Variants in NPAS3 observed in about 807,000 individuals in gnomAD.
The protein encoded by NPAS3 is neuronal PAS domain protein 3, also known as neuronal PAS domain-containing protein 3.
A neutral mutation model predicts 73.1 loss-of-function variants in NPAS3; 14 were observed. That is an observed-to-expected ratio of 0.19 (90% confidence interval 0.13 to 0.30). The LOEUF (loss-of-function observed/expected upper bound fraction) is 0.30. Ranked by LOEUF, NPAS3 falls within the 10% of genes least tolerant of loss-of-function variation. The pLI is 1.00. For synonymous variants in NPAS3, 620 were observed against 541.5 expected (o/e 1.14, Z -2.01); for missense variants, 1,096 against 1,250.0 (o/e 0.88, Z 1.86).
intron 4 of NPAS3, among the ~76,000 whole-genome samples, chr14:33,483,832 T>C (rs1391407763): frequency 1.3e-5 from 2 of 152,186 alleles, no homozygotes; most frequent in African/African-American, 2.4e-5. Context: ...ACGGCTGACC[T>C]TTTTTCTGGA....
At chr14:33,245,614 A>G (rs907812266) in intron 3 of NPAS3, among the ~76,000 whole-genome samples, 12 of 152,230 alleles carry the variant, frequency 7.9e-5, no homozygotes, top group African/African-American at 2.9e-4. Context: ...TAGGAATATG[A>G]AATGGATATG....
intron 4 of NPAS3, among the ~76,000 whole-genome samples, chr14:33,374,030 TA>T (rs943741128): frequency 2.0e-5 from 3 of 152,180 alleles, no homozygotes; most frequent in Non-Finnish European, 4.4e-5. Flanking sequence ...TGTCCTGTGC[TA>T]ATAACCTTAG....
Position 33,545,199 on chromosome 14 carries a change from T to C in NPAS3, c.469-14922T>C, listed in dbSNP as rs1002758720. Among the ~76,000 whole-genome samples the C allele has an allele frequency of 2.0e-5, 3 of 152,152 alleles. 1 individual carries two copies. Among genetic ancestry groups the C allele is most frequent in the Middle Eastern group, 6.3e-3 (2 of 316 alleles). ...ATCTCAGACATGACTATTGAGTTTTTTTCTTGCTGTAACATTAGTCTCCTG... is the reference window on the plus strand; with the variant it reads ...ATCTCAGACATGACTATTGAGTTTTCTTCTTGCTGTAACATTAGTCTCCTG... On this transcript the variant is annotated intron_variant, in intron 4 of 11. Coordinates refer to ENST00000356141, the Ensembl canonical transcript of NPAS3.
At chr14:33,319,638 G>A (rs757816268) in intron 3 of NPAS3, among the ~76,000 whole-genome samples, 44 of 151,044 alleles carry the variant, frequency 2.9e-4, no homozygotes, top group Non-Finnish European at 5.0e-4. Flanking sequence ...AGGCTCTATG[G>A]GGTTGGAAAA....
chr14:33,516,228 T>G (rs758978443), intron 4 of NPAS3, among the ~76,000 whole-genome samples: 1 of 152,150 alleles, frequency 6.6e-6, no homozygotes, highest in South Asian at 2.1e-4. Context: ...TGTTTTACTT[T>G]CCTCTGGTAC....
At chr14:33,741,744 C>T (rs1173615216) in intron 7 of NPAS3, among the ~76,000 whole-genome samples, 1 of 152,092 alleles carries the variant, frequency 6.6e-6, no homozygotes, top group East Asian at 1.9e-4. Context: ...TCTTTAAATT[C>T]TAAGTATGTC....
At chr14:33,277,973 G>A (rs2041412734) in intron 3 of NPAS3, among the ~76,000 whole-genome samples, 1 of 152,114 alleles carries the variant, frequency 6.6e-6, no homozygotes, top group Non-Finnish European at 1.5e-5. Flanking sequence ...GGTTCGGGTT[G>A]CAGAGGTTCG....
At chr14:33,308,934 T>C (rs1319435609) in intron 3 of NPAS3, among the ~76,000 whole-genome samples, 1 of 152,128 alleles carries the variant, frequency 6.6e-6, no homozygotes, top group East Asian at 1.9e-4. Context: ...TGGTAAACAG[T>C]GCTAGGAACT....
At chr14:33,068,826 G>A (rs1413395749) in intron 2 of NPAS3, among the ~76,000 whole-genome samples, 1 of 152,138 alleles carries the variant, frequency 6.6e-6, no homozygotes, top group Non-Finnish European at 1.5e-5. Context: ...CACTACAAAG[G>A]CGCTGAAGGG....
intron 4 of NPAS3, among the ~76,000 whole-genome samples, chr14:33,428,886 C>T (rs1350941155): frequency 6.6e-6 from 1 of 152,050 alleles, no homozygotes. Flanking sequence ...AATACTAGCT[C>T]TACAATATAG....
At chr14:33,439,244 G>A (rs2049127178) in intron 4 of NPAS3, among the ~76,000 whole-genome samples, 1 of 152,188 alleles carries the variant, frequency 6.6e-6, no homozygotes, top group Admixed American at 6.6e-5. Context: ...GACTAAGGCT[G>A]TGCCTGCATA....
intron 1 of NPAS3, among the ~76,000 whole-genome samples, chr14:33,021,415 C>T (rs983535943): frequency 6.6e-6 from 1 of 152,136 alleles, no homozygotes; most frequent in Non-Finnish European, 1.5e-5. Flanking sequence ...TCACCTGAGT[C>T]CCTGAGTAGT....
intron 2 of NPAS3, among the ~76,000 whole-genome samples, chr14:33,083,359 G>A (rs2041925139): frequency 6.6e-6 from 1 of 152,224 alleles, no homozygotes; most frequent in Admixed American, 6.5e-5. Flanking sequence ...ACCTTATTAT[G>A]AGTAGTAGCT....
At chr14:33,434,106 C>T (rs547289043) in intron 4 of NPAS3, among the ~76,000 whole-genome samples, 13 of 152,206 alleles carry the variant, frequency 8.5e-5, no homozygotes, top group Admixed American at 2.0e-4. Context: ...GCAGCAGAAC[C>T]GCTTGAACCC....
In NPAS3 at chr14:33,042,419, C is replaced by T. The variant is rs1412881702; in HGVS notation, c.51-13486C>T. Among the ~76,000 whole-genome samples, 6 of 152,044 alleles carry T rather than the reference C, an allele frequency of 3.9e-5. No homozygotes were observed. The East Asian group carries it at 9.6e-4, about 24-fold the overall frequency. On this transcript the variant is annotated intron_variant, in intron 1 of 11. Coordinates refer to ENST00000356141, the Ensembl canonical transcript of NPAS3. ...ACGAATATGTTCAACAAGGACTTGC[C>T]CACCCACCAGGTATATAAGGAATTT...
At chr14:33,675,411 C>T (rs904871695) in intron 5 of NPAS3, among the ~76,000 whole-genome samples, 1 of 152,138 alleles carries the variant, frequency 6.6e-6, no homozygotes, top group African/African-American at 2.4e-5. Context: ...TGAAACAGTT[C>T]TGATATTTGA....
chr14:33,005,864 A>G (rs1041770484), intron 1 of NPAS3, among the ~76,000 whole-genome samples: 1 of 152,064 alleles, frequency 6.6e-6, no homozygotes, highest in Admixed American at 6.6e-5. Context: ...TTTTCCTATA[A>G]CCTGTCCTCT....
chr14:33,733,945 TA>T (rs1391568674), intron 6 of NPAS3, among the ~76,000 whole-genome samples: 2 of 152,174 alleles, frequency 1.3e-5, no homozygotes, highest in Non-Finnish European at 2.9e-5. Flanking sequence ...GTTATTACAG[TA>T]GCTCTCATTC....
At chr14:33,681,650 ACCATTAATC>A (rs1190314258) in intron 6 of NPAS3, among the ~76,000 whole-genome samples, 1 of 152,176 alleles carries the variant, frequency 6.6e-6, no homozygotes, top group Non-Finnish European at 1.5e-5. Context: ...TTATGTTATC[ACCATTAATC>A]CCATTAATAA....
Sources: gnomAD v4.1 joint callset for allele counts (sites outside exome capture counted in the v4.1 genomes callset) on GRCh38, gnomAD v4.1.1 for gene constraint, MANE v1.5 for transcripts, NCBI Gene and HGNC (gene_info 2026-07-23, HGNC 2026-07-21) for gene names.